The following NRXN1 variants were observed in gnomAD, a reference collection of about 807,000 sequenced individuals.
The protein encoded by NRXN1 is neurexin-1.
In NRXN1, 39 loss-of-function variants were observed where a neutral mutation model predicts 150.9. The observed-to-expected ratio is 0.26, with a 90% confidence interval of 0.20 to 0.34. The LOEUF (loss-of-function observed/expected upper bound fraction) is 0.34, where lower values mean the gene tolerates loss of function less well. Ranked by LOEUF, NRXN1 falls within the 10% of genes least tolerant of loss-of-function variation. The pLI is 1.00. For missense variants in NRXN1, 1,815 were observed against 1,949.9 expected (o/e 0.93, Z 1.30); for synonymous variants, 924 against 757.0 (o/e 1.22, Z -3.62).
At chr2:49,969,865 T>C (rs1477236918) in intron 21 of NRXN1, 1 of 152,094 alleles carries the variant, frequency 6.6e-6, no homozygotes, top group Non-Finnish European at 1.5e-5. Context: ...ACTAATAAAT[T>C]TAGGCTGTGA....
At chr2:50,744,329 C>T (rs1699766198) in intron 5 of NRXN1, among the ~76,000 whole-genome samples, 1 of 151,960 alleles carries the variant, frequency 6.6e-6, no homozygotes, top group South Asian at 2.1e-4. Context: ...AGCAAAGAGG[C>T]CATCAAGACC....
chr2:50,205,563 T>C (rs1207581712), intron 18 of NRXN1, among the ~76,000 whole-genome samples: 2 of 152,062 alleles, frequency 1.3e-5, no homozygotes, highest in East Asian at 3.9e-4. Context: ...TGTTATAAAA[T>C]TCTATGTTGT....
At chr2:50,738,124 A>T (rs755536069) in intron 5 of NRXN1, among the ~76,000 whole-genome samples, 7 of 152,216 alleles carry the variant, frequency 4.6e-5, no homozygotes, top group Non-Finnish European at 1.0e-4. Context: ...TGTGTTTCAG[A>T]TCATGTTAAC....
chr2:50,893,810 G>T (rs887535691), intron 5 of NRXN1, among the ~76,000 whole-genome samples: 1 of 152,008 alleles, frequency 6.6e-6, no homozygotes, highest in African/African-American at 2.4e-5. Flanking sequence ...TTAAAAACTT[G>T]ACTCATTGTT....
chr2:49,922,654 A>C (rs1668431445), intron 22 of NRXN1, among the ~76,000 whole-genome samples: 1 of 152,208 alleles, frequency 6.6e-6, no homozygotes, highest in Non-Finnish European at 1.5e-5. Context: ...TTGCTCTAGA[A>C]CATAGGTCTA....
At chr2:51,018,047 A>C (rs1054073883) in intron 2 of NRXN1, among the ~76,000 whole-genome samples, 1 of 152,022 alleles carries the variant, frequency 6.6e-6, no homozygotes, top group Non-Finnish European at 1.5e-5. Flanking sequence ...GAATCTAGCA[A>C]TGTCTGAGTA....
At chr2:50,956,866 G>A (rs980626491) in intron 2 of NRXN1, among the ~76,000 whole-genome samples, 9 of 152,002 alleles carry the variant, frequency 5.9e-5, no homozygotes, top group Non-Finnish European at 4.4e-5. Flanking sequence ...AGGTAATATG[G>A]TCAGCCCCAG....
chr2:50,263,157 TACACACACACACAC>T (rs58442373), intron 17 of NRXN1, among the ~76,000 whole-genome samples: 139 of 147,066 alleles, frequency 9.5e-4, no homozygotes, highest in Middle Eastern at 3.5e-3. Context: ...AAAACACACA[TACACACACACACAC>T]ACACACACAC....
intron 5 of NRXN1, among the ~76,000 whole-genome samples, chr2:50,828,403 C>G (rs1670839644): frequency 6.6e-6 from 1 of 151,314 alleles, no homozygotes; most frequent in South Asian, 2.1e-4. Flanking sequence ...GGGGTGGCTG[C>G]CGGGCGGAGG....
chr2:50,798,505 AC>A (rs1707152425), intron 5 of NRXN1, among the ~76,000 whole-genome samples: 1 of 152,138 alleles, frequency 6.6e-6, no homozygotes, highest in South Asian at 2.1e-4. Context: ...TATTCCATGG[AC>A]CCTTAAAATT....
intron 8 of NRXN1, among the ~76,000 whole-genome samples, chr2:50,608,057 A>C (rs534986280): frequency 2.7e-4 from 41 of 152,038 alleles, no homozygotes; most frequent in Non-Finnish European, 5.1e-4. Flanking sequence ...TGGGTAAATG[A>C]GAGCTTCTGT....
At chr2:50,656,886 G>A (rs1161969847) in intron 5 of NRXN1, among the ~76,000 whole-genome samples, 1 of 151,978 alleles carries the variant, frequency 6.6e-6, no homozygotes, top group Non-Finnish European at 1.5e-5. Flanking sequence ...AAGAATATCT[G>A]CAGTTTTGAT....
intron 5 of NRXN1, among the ~76,000 whole-genome samples, chr2:50,664,635 G>T (rs1687770508): frequency 6.6e-6 from 1 of 151,774 alleles, no homozygotes; most frequent in South Asian, 2.1e-4. Flanking sequence ...GTCCTTCACT[G>T]TCTGGGCATA....
chr2:50,220,144 A>G (rs2063774020), intron 18 of NRXN1, among the ~76,000 whole-genome samples: 1 of 149,120 alleles, frequency 6.7e-6, no homozygotes, highest in Non-Finnish European at 1.5e-5. Flanking sequence ...AATCAGCCTA[A>G]CTCCTCAGTC....
chr2:50,732,559 T>C (rs1261917089), intron 5 of NRXN1, among the ~76,000 whole-genome samples: 1 of 152,196 alleles, frequency 6.6e-6, no homozygotes, highest in Non-Finnish European at 1.5e-5. Context: ...CAGATAATTA[T>C]GTACTTACAA....
At chr2:51,009,354 G>T (rs904551842) in intron 2 of NRXN1, 1 of 151,886 alleles carries the variant, frequency 6.6e-6, no homozygotes, top group African/African-American at 2.4e-5. Context: ...ATGCATATTT[G>T]GAAACTGCAA....
chr2:49,945,665 G>A (rs1420939642), intron 21 of NRXN1, among the ~76,000 whole-genome samples: 1 of 152,022 alleles, frequency 6.6e-6, no homozygotes, highest in East Asian at 1.9e-4. Flanking sequence ...CTGATAGTTT[G>A]CTGAGAATGG....
intron 2 of NRXN1, among the ~76,000 whole-genome samples, chr2:50,972,541 T>A (rs1695176202): frequency 6.6e-6 from 1 of 152,166 alleles, no homozygotes; most frequent in South Asian, 2.1e-4. Flanking sequence ...TTGCACTTTA[T>A]TTCTATTATT....
chr2:50,476,829 G>C (rs1289390545), intron 15 of NRXN1, among the ~76,000 whole-genome samples: 1 of 152,028 alleles, frequency 6.6e-6, no homozygotes, highest in Non-Finnish European at 1.5e-5. Flanking sequence ...CATTGAATCT[G>C]GTAATATAAA....
Sources: gnomAD v4.1 joint callset for allele counts (sites outside exome capture counted in the v4.1 genomes callset) on GRCh38, gnomAD v4.1.1 for gene constraint, MANE v1.5 for transcripts, NCBI Gene and HGNC (gene_info 2026-07-23, HGNC 2026-07-21) for gene names.